The following COL14A1 variants were observed in gnomAD, a reference collection of about 807,000 sequenced individuals.
The protein encoded by COL14A1 is collagen type XIV alpha 1 chain.
Under a neutral mutation model 230.3 loss-of-function variants are expected in COL14A1, and 136 were observed. That is an observed-to-expected ratio of 0.59 (90% confidence interval 0.51 to 0.68). The LOEUF (loss-of-function observed/expected upper bound fraction) is 0.68. Ranked by LOEUF, COL14A1 falls within the 30% of genes least tolerant of loss-of-function variation. The pLI is 0.00. For missense variants in COL14A1, 1,976 were observed against 2,215.8 expected, an observed-to-expected ratio of 0.89 and a Z score of 2.17; for synonymous variants, 792 against 784.1, an observed-to-expected ratio of 1.01 and a Z score of -0.17.
chr8:120,275,019 G>A (rs992843411), intron 26 of COL14A1, among the ~76,000 whole-genome samples: 1 of 151,530 alleles, frequency 6.6e-6, no homozygotes, highest in Non-Finnish European at 1.5e-5. Flanking sequence ...AACCCAAAAA[G>A]AGCCCAAATA....
At chr8:120,363,224 C>T (rs1330515249) in intron 45 of COL14A1, among the ~76,000 whole-genome samples, 4 of 152,186 alleles carry the variant, frequency 2.6e-5, no homozygotes, top group Non-Finnish European at 5.9e-5. Flanking sequence ...GGTACATATA[C>T]ACCATGGAAC....
At chr8:120,181,619 A>C (rs1260865415) in intron 5 of COL14A1, among the ~76,000 whole-genome samples, 3 of 152,192 alleles carry the variant, frequency 2.0e-5, no homozygotes, top group Non-Finnish European at 4.4e-5. Flanking sequence ...TTAGGAAAAA[A>C]TGTCTAAAGG....
chr8:120,345,642 A>G, intron 45 of COL14A1, 79 bp downstream of exon 45: 9 of 1,201,250 alleles, frequency 7.5e-6, no homozygotes, highest in Non-Finnish European at 9.9e-6. Flanking sequence ...GTTCTTATAC[A>G]AGGATAAAGT....
chr8:120,196,809 A>C lies in COL14A1; in HGVS notation c.455A>C (p.Gln152Pro). 1.9e-6 allele frequency: 3 copies of C among 1,613,880 alleles called. No homozygotes were observed. Among genetic ancestry groups the C allele is most frequent in the Non-Finnish European group, 2.5e-6 (3 of 1,179,904 alleles). The change falls in exon 6 of 48, where the codon CAA becomes CCA. Residue 152 changes from glutamine (Q) to proline (P), a missense_variant. Physicochemically the swap from Gln to Pro is moderately conservative, Grantham distance 76. Coordinates refer to ENST00000297848, the MANE Select transcript of COL14A1 (RefSeq NM_021110.4). ...TTTGCAGAAGTGAAATTTGTCTGTC[A>C]AACTCCAGCAATTGCTGACATTGTA... ...SSPEEVKFVC[Q>P]TPAIADIVIL...
intron 40 of COL14A1, 138 bp from the exon 41 acceptor site, chr8:120,332,003 T>C (rs1305721540): frequency 2.9e-6 from 2 of 696,334 alleles, no homozygotes; most frequent in Non-Finnish European, 5.0e-6. Context: ...CCATGAAGAG[T>C]TTAAAGGCAG....
At chr8:120,273,592 G>A (rs924892538) in intron 26 of COL14A1, among the ~76,000 whole-genome samples, 4 of 151,516 alleles carry the variant, frequency 2.6e-5, no homozygotes, top group African/African-American at 9.7e-5. Context: ...GTCTCAATTA[G>A]AAATGAAAAT....
intron 45 of COL14A1, among the ~76,000 whole-genome samples, chr8:120,350,030 CG>C (rs1452096267): frequency 7.0e-6 from 1 of 141,976 alleles, no homozygotes; most frequent in Non-Finnish European, 1.5e-5. Context: ...AGACTAACAG[CG>C]GATCTCTCGG....
At chr8:120,370,774 CCCTT>C in intron 47 of COL14A1, 1 of 1,375,388 alleles carries the variant, frequency 7.3e-7, no homozygotes. Context: ...ACCCTACTCT[CCCTT>C]CCTCCCCTGA....
At chr8:120,196,715 A>T in intron 5 of COL14A1, 76 bp from the exon 6 acceptor site, 1 of 1,462,936 alleles carries the variant, frequency 6.8e-7, no homozygotes, top group South Asian at 1.3e-5. Context: ...TAAGTTGTCT[A>T]AAAGACATTA....
intron 33 of COL14A1, among the ~76,000 whole-genome samples, chr8:120,288,719 A>T (rs1014737325): frequency 6.6e-6 from 1 of 152,122 alleles, no homozygotes; most frequent in Non-Finnish European, 1.5e-5. Flanking sequence ...TCTTTGAACT[A>T]CCGTAATGCC....
Position 120,371,321 on chromosome 8 carries a change from T to C in COL14A1, c.*90T>C. On this transcript the variant is annotated 3_prime_UTR_variant, in exon 48 of 48. Transcript: ENST00000297848. ...TTGTTATGTGGTTTGTATGCTACTTTTGGGGGGCAGGGCTCATTTCAGCAG... is the reference window on the plus strand; with the variant it reads ...TTGTTATGTGGTTTGTATGCTACTTCTGGGGGGCAGGGCTCATTTCAGCAG... The C allele has an allele frequency of 4.2e-6, 4 of 950,458 alleles. No individual in the cohort carries two copies. Among genetic ancestry groups the C allele is most frequent in the Non-Finnish European group, 6.4e-6 (4 of 627,564 alleles). 58.9% of individuals were successfully genotyped at this position (950,458 alleles called of 1,614,324 possible).
chr8:120,270,485 T>C (rs1819626143), intron 26 of COL14A1, among the ~76,000 whole-genome samples: 1 of 151,780 alleles, frequency 6.6e-6, no homozygotes, highest in Admixed American at 6.6e-5. Flanking sequence ...TTCCCTGCCC[T>C]TAAGCACTTT....
At chr8:120,239,910 T>A (rs1435383468) in intron 19 of COL14A1, among the ~76,000 whole-genome samples, 1 of 151,934 alleles carries the variant, frequency 6.6e-6, no homozygotes, top group African/African-American at 2.4e-5. Flanking sequence ...ATTATTCCTG[T>A]TAATTTGGAA....
At chr8:120,255,470 G>A (rs1819114932) in intron 23 of COL14A1, 114 bp downstream of exon 23, 1 of 825,940 alleles carries the variant, frequency 1.2e-6, no homozygotes, top group African/African-American at 1.7e-5. Context: ...TGTCAAGGAA[G>A]CAATTTGTAT....
intron 1 of COL14A1, among the ~76,000 whole-genome samples, chr8:120,140,717 T>G (rs182910586): frequency 6.6e-6 from 1 of 152,348 alleles, no homozygotes; most frequent in African/African-American, 2.4e-5. Context: ...AAATTGGCTG[T>G]ATGTTAGTCT....
intron 28 of COL14A1, among the ~76,000 whole-genome samples, chr8:120,279,436 C>T (rs940465153): frequency 1.2e-4 from 18 of 151,710 alleles, no homozygotes; most frequent in Admixed American, 2.6e-4. Flanking sequence ...CACAGGACTG[C>T]TGTGAAGATT....
At chr8:120,227,161 C>T in intron 16 of COL14A1, 59 bp from the exon 17 acceptor site, 2 of 1,585,656 alleles carry the variant, frequency 1.3e-6, no homozygotes, top group African/African-American at 1.4e-5. Context: ...CAGAATAACA[C>T]TTTTTCTTTA....
At chr8:120,220,810 ATGG>A (rs1817909933) in intron 14 of COL14A1, among the ~76,000 whole-genome samples, 1 of 151,962 alleles carries the variant, frequency 6.6e-6, no homozygotes. Context: ...AATGGTGATG[ATGG>A]TGATGATGAT....
intron 22 of COL14A1, among the ~76,000 whole-genome samples, chr8:120,253,499 A>T (rs1819042302): frequency 6.6e-6 from 1 of 152,246 alleles, no homozygotes; most frequent in Non-Finnish European, 1.5e-5. Context: ...AATATAAATT[A>T]GTGAGTTTAT....
Sources: gnomAD v4.1 joint callset for allele counts (sites outside exome capture counted in the v4.1 genomes callset) on GRCh38, gnomAD v4.1.1 for gene constraint, MANE v1.5 for transcripts, NCBI Gene and HGNC (gene_info 2026-07-23, HGNC 2026-07-21) for gene names.